The following STAG2 variants were observed in gnomAD, a reference collection of about 807,000 sequenced individuals.
STAG2 encodes the protein STAG2 cohesin complex component.
STAG2 carries 14 observed loss-of-function variants against 108.1 expected under a neutral mutation model. That is an observed-to-expected ratio of 0.13 (90% CI 0.09 to 0.20). The LOEUF (loss-of-function observed/expected upper bound fraction) is 0.20, where lower values mean the gene tolerates loss of function less well. Among genes scored for constraint, STAG2 ranks in the 10% least tolerant of loss-of-function variants. The pLI is 1.00. For synonymous variants in STAG2, 307 were observed against 302.7 expected, an observed-to-expected ratio of 1.01 and a Z score of -0.15; for missense variants, 440 against 940.9, an observed-to-expected ratio of 0.47 and a Z score of 6.96.
chrX:124,022,372 A>C (rs2056961426), intron 2 of STAG2, among the ~76,000 whole-genome samples, 159 bp from the exon 3 acceptor site: 1 of 3,420 alleles, frequency 2.9e-4, no homozygotes, highest in South Asian at 0.04. Context: ...CTGTGTCTCA[A>C]AAAAAAAAAA....
At chrX:124,044,737 C>A (rs2057826188) in intron 7 of STAG2, among the ~76,000 whole-genome samples, 3 of 111,900 alleles carry the variant, frequency 2.7e-5, no homozygotes, top group Admixed American at 1.9e-4. Context: ...TAACATATTT[C>A]TAATGTTTTG....
At chrX:124,072,732 A>C (rs916907805) in intron 25 of STAG2, among the ~76,000 whole-genome samples, 1 of 108,797 alleles carries the variant, frequency 9.2e-6, no homozygotes, top group Non-Finnish European at 1.9e-5. Context: ...ATGGAGTCTC[A>C]CTCTGCTATC....
chrX:124,009,979 A>G (rs2056465649), intron 1 of STAG2, among the ~76,000 whole-genome samples: 1 of 111,727 alleles, frequency 9.0e-6, no homozygotes. Context: ...TTAATTTACA[A>G]AATGACATCT....
chrX:124,077,841 C>T (rs1038988787), intron 26 of STAG2, 116 bp from the exon 27 acceptor site: 4 of 399,393 alleles, frequency 1.0e-5, no homozygotes, highest in Non-Finnish European at 1.7e-5. Context: ...CCTTTGAAGG[C>T]ATAATTTTGG....
chrX:124,042,554 A>G lies in STAG2; in HGVS notation c.386-15A>G. 2 of 1,174,739 alleles carry G rather than the reference A, an allele frequency of 1.7e-6. No homozygotes were observed. Among genetic ancestry groups the G allele is most frequent in the Non-Finnish European group, 2.3e-6 (2 of 863,503 alleles). ...ATCACACCATATATTAACTTCTGAC[A>G]TTTGCAAATTTCAGGAGTTGTCACA... On this transcript the variant is annotated splice_polypyrimidine_tract_variant and intron_variant, in intron 6 of 34. Coordinates refer to ENST00000371145, the MANE Select transcript of STAG2 (RefSeq NM_001042750.2).
chrX:124,080,388 C>G (rs1315534374), intron 27 of STAG2, among the ~76,000 whole-genome samples: 1 of 111,147 alleles, frequency 9.0e-6, no homozygotes, highest in Non-Finnish European at 1.9e-5. Flanking sequence ...AGTCTTCCTC[C>G]TTTTAAAAAG....
intron 1 of STAG2, among the ~76,000 whole-genome samples, chrX:123,995,441 T>A (rs376200146): frequency 8.9e-6 from 1 of 111,889 alleles, no homozygotes; most frequent in East Asian, 2.8e-4. Context: ...ACGCCTGTAA[T>A]CTCAGCACTT....
chrX:123,980,390 A>C (rs1466388129), intron 1 of STAG2, among the ~76,000 whole-genome samples: 2 of 111,345 alleles, frequency 1.8e-5, no homozygotes, highest in Non-Finnish European at 3.8e-5. Flanking sequence ...GAGGTAGGAG[A>C]AAATTTAGGA....
intron 29 of STAG2, among the ~76,000 whole-genome samples, chrX:124,084,303 TTGAA>T (rs1330724847): frequency 1.8e-5 from 2 of 111,145 alleles, no homozygotes; most frequent in Non-Finnish European, 3.8e-5. Flanking sequence ...GTTGGAGAGT[TTGAA>T]TGGGAACACT....
chrX:124,061,763 T>TC lies in STAG2; in HGVS notation c.1535-8_1535-7insC, dbSNP rs2148310662. 1.0e-6 allele frequency: 1 copy of TC among 965,915 alleles called. No homozygotes were observed. The highest frequency in any genetic ancestry group is 2.1e-5 in the African/African-American group (1 of 47,753). 79.6% of individuals were successfully genotyped at this position (965,915 alleles called of 1,213,427 possible). On this transcript the variant is annotated splice_polypyrimidine_tract_variant and splice_region_variant and intron_variant, in intron 16 of 34. Transcript: ENST00000371145. ...TCTGACTTTTTTTTTTTTTTTTTTT[T>TC]TTTTTAGCACTAACAGATAGGCAAG...
intron 1 of STAG2, among the ~76,000 whole-genome samples, chrX:123,991,662 T>C (rs1278345692): frequency 1.9e-5 from 2 of 106,296 alleles, no homozygotes; most frequent in Non-Finnish European, 3.9e-5. Flanking sequence ...CCAACAACTA[T>C]TTTCTTTTTT....
chrX:124,015,689 T>A (rs1317989929), intron 1 of STAG2, among the ~76,000 whole-genome samples: 1 of 112,382 alleles, frequency 8.9e-6, no homozygotes, highest in African/African-American at 3.2e-5. Flanking sequence ...TTGTTAAAGA[T>A]TGTTACTCAT....
chrX:123,988,761 T>G (rs1432891440), intron 1 of STAG2, among the ~76,000 whole-genome samples: 3 of 111,780 alleles, frequency 2.7e-5, no homozygotes, highest in Non-Finnish European at 3.8e-5. Context: ...ATTCTTGCAT[T>G]CCTCATTTAC....
chrX:123,988,133 C>G (rs1401695991), intron 1 of STAG2, among the ~76,000 whole-genome samples: 2 of 111,503 alleles, frequency 1.8e-5, no homozygotes, highest in Admixed American at 1.9e-4. Context: ...TGATATATTT[C>G]CCATGTAGTG....
In STAG2 at chrX:124,047,440, C is replaced by T. The variant is rs2148195335; in HGVS notation, c.754C>T (p.Arg252Trp). 3 of 1,207,240 alleles carry T rather than the reference C, an allele frequency of 2.5e-6. No individual in the cohort carries two copies. Among genetic ancestry groups the T allele is most frequent in the East Asian group, 3.0e-5 (1 of 33,702 alleles). Residue 252 changes from arginine (R) to tryptophan (W), a missense_variant, in exon 9 of 35, where the codon CGG becomes TGG. By Grantham distance (101) the Arg-to-Trp change is moderately radical. Transcript: ENST00000371145. The part of the protein sequence containing the change: ...DNTQRQYEAE[R>W]NKMIGKRANE... ...TACACAAAGACAATATGAAGCAGAA[C>T]GGAATAAAATGATTGGAAAACGAGC...
intron 17 of STAG2, among the ~76,000 whole-genome samples, chrX:124,062,381 ATGTT>A (rs1216649461): frequency 8.9e-6 from 1 of 112,316 alleles, no homozygotes; most frequent in African/African-American, 3.2e-5. Flanking sequence ...ACACATGAAT[ATGTT>A]TGTGTGTGCA....
intron 1 of STAG2, among the ~76,000 whole-genome samples, chrX:123,977,462 C>T (rs964968757): frequency 1.4e-4 from 16 of 110,704 alleles, no homozygotes; most frequent in African/African-American, 4.6e-4. Flanking sequence ...TCCCCCCCTC[C>T]GGTATCTTTA....
intron 15 of STAG2, 65 bp from the exon 16 acceptor site, chrX:124,061,159 C>T: frequency 3.7e-6 from 3 of 804,909 alleles, no homozygotes; most frequent in African/African-American, 2.1e-5. Context: ...ATAAAGTTTC[C>T]ATTCTTTTGA....
intron 29 of STAG2, among the ~76,000 whole-genome samples, chrX:124,086,077 A>G (rs1162864105): frequency 9.0e-6 from 1 of 111,066 alleles, no homozygotes; most frequent in Non-Finnish European, 1.9e-5. Context: ...CTTAATTTCA[A>G]TTATCCTTTC....
Sources: allele counts gnomAD v4.1 joint callset (sites outside exome capture counted in the v4.1 genomes callset), GRCh38; gene constraint gnomAD v4.1.1; transcripts MANE v1.5; gene names NCBI Gene and HGNC (gene_info 2026-07-23, HGNC 2026-07-21).